Variants in SLC10A7 observed in about 807,000 individuals in gnomAD.
SLC10A7 encodes solute carrier family 10 member 7.
In SLC10A7, 29 loss-of-function variants were observed where a neutral mutation model predicts 43.2. That is an observed-to-expected ratio of 0.67 (90% CI 0.50 to 0.92). The LOEUF (loss-of-function observed/expected upper bound fraction) is 0.92. Ranked by LOEUF, SLC10A7 falls within the 40% of genes least tolerant of loss-of-function variation. SLC10A7 has a pLI of 0.00. For synonymous variants in SLC10A7, 152 were observed against 144.8 expected (o/e 1.05, Z -0.35); for missense variants, 295 against 403.2 (o/e 0.73, Z 2.30).
chr4:146,503,708 G>A, intron 4 of SLC10A7, 141 bp downstream of exon 4: 1 of 680,886 alleles, frequency 1.5e-6, no homozygotes, highest in Non-Finnish European at 2.6e-6. Flanking sequence ...GCTAGTATGT[G>A]AGTACACCTC....
intron 7 of SLC10A7, among the ~76,000 whole-genome samples, chr4:146,297,062 G>C (rs1730835569): frequency 6.6e-6 from 1 of 152,058 alleles, no homozygotes; most frequent in Admixed American, 6.6e-5. Flanking sequence ...TGGGAAAAAA[G>C]AAAATCCAAG....
At chr4:146,403,892 A>G (rs1248030752) in intron 5 of SLC10A7, among the ~76,000 whole-genome samples, 1 of 152,208 alleles carries the variant, frequency 6.6e-6, no homozygotes, top group Non-Finnish European at 1.5e-5. Flanking sequence ...AGTGTGCAGC[A>G]GAGTACCAAG....
chr4:146,277,371 A>G (rs1729274714), intron 10 of SLC10A7, among the ~76,000 whole-genome samples: 1 of 152,206 alleles, frequency 6.6e-6, no homozygotes, highest in South Asian at 2.1e-4. Context: ...TTCAGATACC[A>G]TATTCTGAAT....
At chr4:146,486,839 G>C (rs1365400210) in intron 4 of SLC10A7, among the ~76,000 whole-genome samples, 2 of 152,160 alleles carry the variant, frequency 1.3e-5, no homozygotes, top group Non-Finnish European at 2.9e-5. Context: ...CAGTGATGCA[G>C]GACACACAGG....
chr4:146,415,351 C>G (rs1027937087), intron 5 of SLC10A7, among the ~76,000 whole-genome samples: 7 of 152,152 alleles, frequency 4.6e-5, no homozygotes, highest in African/African-American at 1.7e-4. Context: ...TTCTGAATCT[C>G]AAGTTCATCA....
chr4:146,332,018 A>C (rs768628921), intron 5 of SLC10A7, among the ~76,000 whole-genome samples: 11 of 152,172 alleles, frequency 7.2e-5, no homozygotes, highest in Non-Finnish European at 1.3e-4. Context: ...AAACTTTTAG[A>C]AAGAAAGAAA....
At chr4:146,501,112 G>C (rs558845866) in intron 4 of SLC10A7, among the ~76,000 whole-genome samples, 1 of 152,204 alleles carries the variant, frequency 6.6e-6, no homozygotes, top group East Asian at 1.9e-4. Flanking sequence ...GAGTGATCCA[G>C]GGCTCAGTCC....
At chr4:146,417,702 A>G (rs969549332) in intron 5 of SLC10A7, among the ~76,000 whole-genome samples, 2 of 152,212 alleles carry the variant, frequency 1.3e-5, no homozygotes, top group Non-Finnish European at 2.9e-5. Context: ...AATATATAAT[A>G]TAGTGAAGAC....
chr4:146,462,099 A>G (rs1213105560), intron 4 of SLC10A7, among the ~76,000 whole-genome samples: 3 of 152,098 alleles, frequency 2.0e-5, no homozygotes. Context: ...CTAAATAAAT[A>G]TATTTTTCAA....
chr4:146,472,783 T>G (rs911475711), intron 4 of SLC10A7, among the ~76,000 whole-genome samples: 4 of 152,226 alleles, frequency 2.6e-5, no homozygotes, highest in African/African-American at 9.6e-5. Context: ...TATGTCTGTT[T>G]AATGTACCCA....
chr4:146,515,012 T>C, intron 2 of SLC10A7: 1 of 630,588 alleles, frequency 1.6e-6, no homozygotes. Context: ...CCAAATTAGC[T>C]GGATGACTCT....
chr4:146,420,113 GAGA>G (rs1433281104), intron 5 of SLC10A7, among the ~76,000 whole-genome samples: 2 of 152,072 alleles, frequency 1.3e-5, no homozygotes, highest in African/African-American at 4.8e-5. Flanking sequence ...AAACAGAGAG[GAGA>G]ATTAATGGTT....
intron 7 of SLC10A7, among the ~76,000 whole-genome samples, chr4:146,305,431 G>C (rs532778537): frequency 1.6e-5 from 2 of 123,938 alleles, no homozygotes; most frequent in Non-Finnish European, 3.3e-5. Context: ...GTTGTGGGGT[G>C]GGGGGAGGGG....
chr4:146,452,331 T>C (rs2149915211), intron 4 of SLC10A7, among the ~76,000 whole-genome samples: 1 of 152,206 alleles, frequency 6.6e-6, no homozygotes, highest in South Asian at 2.1e-4. Context: ...CAGGCTTTGA[T>C]TCGCAGGAAG....
At chr4:146,278,415 G>A (rs916099922) in intron 10 of SLC10A7, among the ~76,000 whole-genome samples, 1 of 152,046 alleles carries the variant, frequency 6.6e-6, no homozygotes, top group African/African-American at 2.4e-5. Flanking sequence ...TTGACAAAAT[G>A]ACTCAAATGT....
chr4:146,301,227 C>T (rs529392869), intron 7 of SLC10A7, among the ~76,000 whole-genome samples: 2 of 152,236 alleles, frequency 1.3e-5, no homozygotes, highest in South Asian at 2.1e-4. Flanking sequence ...AGCAGGCAGG[C>T]GTCACATTAG....
At chr4:146,452,781 G>A (rs977997129) in intron 4 of SLC10A7, among the ~76,000 whole-genome samples, 19 of 152,038 alleles carry the variant, frequency 1.2e-4, no homozygotes, top group African/African-American at 4.3e-4. Flanking sequence ...CACTTTTAAT[G>A]TGATACCATT....
chr4:146,438,411 G>A (rs1005343110), intron 5 of SLC10A7, among the ~76,000 whole-genome samples: 10 of 151,994 alleles, frequency 6.6e-5, no homozygotes, highest in African/African-American at 1.7e-4. Flanking sequence ...TCAGTGACTC[G>A]TACAGATCTT....
intron 4 of SLC10A7, among the ~76,000 whole-genome samples, chr4:146,491,082 A>G (rs1480320081): frequency 1.3e-5 from 2 of 152,240 alleles, no homozygotes; most frequent in South Asian, 2.1e-4. Context: ...GGAAGAAAAG[A>G]CTAATTCTGA....
Sources: allele counts gnomAD v4.1 joint callset (sites outside exome capture counted in the v4.1 genomes callset), GRCh38; gene constraint gnomAD v4.1.1; transcripts MANE v1.5; gene names NCBI Gene and HGNC (gene_info 2026-07-23, HGNC 2026-07-21).